The following ARHGEF12 variants were observed in gnomAD, a reference collection of about 807,000 sequenced individuals.
ARHGEF12 encodes KMT2A/ARHGEF12 fusion protein.
Under a neutral mutation model 211.2 loss-of-function variants are expected in ARHGEF12, and 66 were observed. The ratio of observed to expected loss-of-function variants is 0.31; its 90% confidence interval spans 0.26 to 0.38. The LOEUF is 0.38. Ranked by LOEUF, ARHGEF12 falls within the 10% of genes least tolerant of loss-of-function variation. The pLI is 1.00. For synonymous variants in ARHGEF12, 592 were observed against 638.4 expected, an observed-to-expected ratio of 0.93 and a Z score of 1.09; for missense variants, 1,429 against 1,869.5, an observed-to-expected ratio of 0.76 and a Z score of 4.34.
Position 120,457,245 on chromosome 11 carries a change from A to G in ARHGEF12, c.2184A>G (p.Val728=), listed in dbSNP as rs1219733369. Residue 728 remains valine (V), a synonymous_variant, in exon 23 of 41, where the codon GTA becomes GTG. Transcript: ENST00000397843. ...LDQVQEEECE[V]ERVTEHGTPK... ...AAGTGCAGGAGGAGGAATGTGAAGTAGAAAGGTAATTCAGTGATCTCTTAG... is the reference window on the plus strand; with the variant it reads ...AAGTGCAGGAGGAGGAATGTGAAGTGGAAAGGTAATTCAGTGATCTCTTAG... 2 of 1,613,948 alleles carry G rather than the reference A, an allele frequency of 1.2e-6. No homozygotes were observed. Among genetic ancestry groups the G allele is most frequent in the Non-Finnish European group, 1.7e-6 (2 of 1,179,910 alleles).
intron 1 of ARHGEF12, among the ~76,000 whole-genome samples, chr11:120,365,184 GTATA>G (rs527262617): frequency 3.3e-5 from 5 of 151,528 alleles, no homozygotes; most frequent in Non-Finnish European, 7.4e-5. Context: ...TTAACTATGT[GTATA>G]TATATATATT....
rs1947237893 is a variant in ARHGEF12 at position 120,481,557 on chromosome 11, C to T, written c.4535C>T (p.Ala1512Val). 1.2e-6 allele frequency: 2 copies of T among 1,614,092 alleles called. No homozygotes were observed. Among genetic ancestry groups the T allele is most frequent in the Non-Finnish European group, 1.7e-6 (2 of 1,180,004 alleles). ...QIMEYIHKIE[A>V]DLEHLKKVEE... ...ATGGAGTACATTCATAAGATAGAGG[C>T]TGACCTTGAACACTTAAAGGTACCT... Residue 1512 changes from alanine (A) to valine (V), a missense_variant, in exon 39 of 41, where the codon GCT becomes GTT. Physicochemically the swap from Ala to Val is moderately conservative, Grantham distance 64. This residue lies in a region of ARHGEF12 where 467 missense variants were observed against 468.4 expected (regional missense o/e 1.00). Coordinates refer to ENST00000397843, the MANE Select transcript of ARHGEF12 (RefSeq NM_015313.3).
At chr11:120,449,274 CT>C in intron 21 of ARHGEF12, 60 bp downstream of exon 21, 8 of 1,291,948 alleles carry the variant, frequency 6.2e-6, no homozygotes, top group Non-Finnish European at 8.7e-6. Context: ...ACATCAGAGG[CT>C]TCTTCAGCTA....
chr11:120,480,405 G>C lies in ARHGEF12; in HGVS notation c.4212G>C (p.Glu1404Asp), dbSNP rs1947199178. ...SEGDGAVNKE[E>D]KDVNLRISGN... ...GTGATGGAGCAGTTAACAAGGAAGA[G>C]AAGGATGTTAATTTACGCATCTCAG... is the stretch of plus-strand genomic sequence containing the variant. The change falls in exon 38 of 41, where the codon GAG becomes GAC. Residue 1404 changes from glutamate to aspartate, a missense_variant. Physicochemically the swap from Glu to Asp is conservative, Grantham distance 45. Transcript: ENST00000397843. 6.2e-7 allele frequency: 1 copy of C among 1,610,272 alleles called. No homozygotes were observed. The highest frequency in any genetic ancestry group is 1.7e-5 in the Admixed American group (1 of 59,584).
At position 120,421,789 on chromosome 11, in the gene ARHGEF12, A is replaced by T; in HGVS notation, c.299-14A>T. On this transcript the variant is annotated splice_polypyrimidine_tract_variant and intron_variant, in intron 5 of 40. Coordinates refer to ENST00000397843, the MANE Select transcript of ARHGEF12 (RefSeq NM_015313.3). ...CAAATGAATCACATTTTAAGCAATT[A>T]ATTTCTCATACAGATGGAGCAGCCA... The T allele has an allele frequency of 6.2e-7, 1 of 1,608,570 alleles. No homozygotes were observed. The highest frequency in any genetic ancestry group is 8.5e-7 in the Non-Finnish European group (1 of 1,176,746).
Position 120,336,437 on chromosome 11 carries a change from C to T in ARHGEF12, c.-807C>T, listed in dbSNP as rs1942345704. Among the ~76,000 whole-genome samples the T allele has an allele frequency of 6.6e-6, 1 of 151,472 alleles. No individual in the cohort carries two copies. Among genetic ancestry groups the T allele is most frequent in the Non-Finnish European group, 1.5e-5 (1 of 67,796 alleles). Reference sequence around the variant, plus strand: ...CAGAACCCGGCGAGCCGGCCCTGCGCCGGGAGACGCCGCCGCCTCCGCCTC... The same window carrying T: ...CAGAACCCGGCGAGCCGGCCCTGCGTCGGGAGACGCCGCCGCCTCCGCCTC... On this transcript the variant is annotated 5_prime_UTR_variant, in exon 1 of 41. Coordinates refer to ENST00000397843, the MANE Select transcript of ARHGEF12 (RefSeq NM_015313.3).
chr11:120,466,791 G>A (rs1476330459), intron 28 of ARHGEF12, among the ~76,000 whole-genome samples: 2 of 152,284 alleles, frequency 1.3e-5, no homozygotes, highest in Non-Finnish European at 2.9e-5. Flanking sequence ...TGGCATACTC[G>A]ACTGGTTATC....
chr11:120,429,089 A>G (rs918951586), intron 8 of ARHGEF12, among the ~76,000 whole-genome samples: 1 of 152,142 alleles, frequency 6.6e-6, no homozygotes, highest in African/African-American at 2.4e-5. Flanking sequence ...TATTTCAGGT[A>G]AGAGGTACTG....
intron 1 of ARHGEF12, among the ~76,000 whole-genome samples, chr11:120,387,977 A>G (rs1353094020): frequency 6.6e-6 from 1 of 152,166 alleles, no homozygotes; most frequent in Non-Finnish European, 1.5e-5. Context: ...GTTAGAGTAT[A>G]ATTTGATAGG....
intron 1 of ARHGEF12, among the ~76,000 whole-genome samples, chr11:120,363,296 C>T (rs149550395): frequency 1.3e-5 from 2 of 152,116 alleles, no homozygotes; most frequent in African/African-American, 2.4e-5. Flanking sequence ...GTTGGCACTG[C>T]GTGGATAAAG....
intron 1 of ARHGEF12, among the ~76,000 whole-genome samples, chr11:120,345,701 CAAAA>C (rs34619240): frequency 1.8e-4 from 14 of 78,366 alleles, no homozygotes; most frequent in Admixed American, 1.7e-4. Flanking sequence ...GACTCCGTCT[CAAAA>C]AAAAAAAAAA....
chr11:120,422,145 A>G (rs923152302), intron 6 of ARHGEF12, among the ~76,000 whole-genome samples: 5 of 152,218 alleles, frequency 3.3e-5, no homozygotes, highest in Admixed American at 1.3e-4. Context: ...AGCAATTCTC[A>G]TCAAAGTACA....
At chr11:120,467,358 C>T in intron 29 of ARHGEF12, 50 bp downstream of exon 29, 1 of 1,101,590 alleles carries the variant, frequency 9.1e-7, no homozygotes, top group Non-Finnish European at 1.4e-6. Flanking sequence ...AACAACGAAA[C>T]ACCCAATATC....
intron 1 of ARHGEF12, among the ~76,000 whole-genome samples, chr11:120,339,005 CTTTTT>C (rs906260027): frequency 2.5e-5 from 3 of 121,992 alleles, no homozygotes; most frequent in Admixed American, 8.7e-5. Flanking sequence ...TTTTCTTTTT[CTTTTT>C]TTTTTTTTTT....
chr11:120,401,285 C>T (rs1208320391), intron 1 of ARHGEF12, among the ~76,000 whole-genome samples: 1 of 152,124 alleles, frequency 6.6e-6, no homozygotes, highest in Non-Finnish European at 1.5e-5. Context: ...CGAGTGGTCA[C>T]TTAATACTTT....
chr11:120,370,526 A>G (rs1213362159), intron 1 of ARHGEF12, among the ~76,000 whole-genome samples: 1 of 151,870 alleles, frequency 6.6e-6, no homozygotes, highest in Non-Finnish European at 1.5e-5. Flanking sequence ...TTTTTTTAAC[A>G]TTGTAATTGC....
rs1942850465 is a variant in ARHGEF12, at chr11:120,348,898, A to G, written c.32+11623A>G. The stretch of plus-strand genomic sequence containing the variant: ...GCTGTGCATATAGAGTGTACGTGAA[A>G]CATTAATGAATTCTGTGTTTAGACT... On this transcript the variant is annotated intron_variant, in intron 1 of 40. Transcript: ENST00000397843. Among the ~76,000 whole-genome samples the G allele has an allele frequency of 2.0e-5, 3 of 152,310 alleles. No individual in the cohort carries two copies. In the South Asian group the frequency reaches 6.2e-4, roughly 32 times the overall value.
Position 120,451,576 on chromosome 11 carries a change from G to C in ARHGEF12, c.1908G>C (p.Val636=), listed in dbSNP as rs372093463. Residue 636 remains valine, a synonymous_variant, in exon 22 of 41, where the codon GTG becomes GTC. Transcript: ENST00000397843. ...HPKHLSTPSS[V]SPEPQDSAKL... Reference sequence around the variant, plus strand: ...AGCACTTATCCACACCCTCATCTGTGAGTCCTGAACCTCAGGACTCTGCCA... The same window carrying C: ...AGCACTTATCCACACCCTCATCTGTCAGTCCTGAACCTCAGGACTCTGCCA... 5.6e-6 allele frequency: 9 copies of C among 1,614,050 alleles called. No homozygotes were observed. The highest frequency in any genetic ancestry group is 1.6e-4 in the Middle Eastern group (1 of 6,084).
chr11:120,482,696 G>T (rs1947283497), intron 39 of ARHGEF12, among the ~76,000 whole-genome samples: 1 of 150,474 alleles, frequency 6.6e-6, no homozygotes, highest in African/African-American at 2.4e-5. Flanking sequence ...AGGGAGCTGA[G>T]ATCACGCCAC....
Sources: allele counts gnomAD v4.1 joint callset (sites outside exome capture counted in the v4.1 genomes callset), GRCh38; gene constraint gnomAD v4.1.1; regional missense constraint gnomAD v4.1.1; transcripts MANE v1.5; gene names NCBI Gene and HGNC (gene_info 2026-07-23, HGNC 2026-07-21).